The following EPAS1 variants were observed in gnomAD, a reference collection of about 807,000 sequenced individuals.
EPAS1 encodes endothelial PAS domain-containing protein 1.
Under a neutral mutation model 87.9 loss-of-function variants are expected in EPAS1, and 23 were observed. The observed-to-expected ratio is 0.26, with a 90% CI of 0.19 to 0.37. The LOEUF (loss-of-function observed/expected upper bound fraction) is 0.37, where lower values mean the gene tolerates loss of function less well. EPAS1 is among the 10% of genes least tolerant of loss of function. EPAS1 has a pLI of 1.00. For missense variants in EPAS1, 1,138 were observed against 1,120.7 expected (o/e 1.02, Z -0.22); for synonymous variants, 508 against 444.3 (o/e 1.14, Z -1.80).
chr2:46,373,579 C>T (rs1279881270), intron 7 of EPAS1, among the ~76,000 whole-genome samples: 4 of 152,068 alleles, frequency 2.6e-5, no homozygotes, highest in East Asian at 1.9e-4. Flanking sequence ...AAAGACAATT[C>T]GAATATATAG....
At chr2:46,355,971 C>G in intron 2 of EPAS1, 180 bp from the exon 3 acceptor site, 1 of 691,284 alleles carries the variant, frequency 1.4e-6, no homozygotes. Context: ...GTCAGGGTGT[C>G]CTCTGTGCAG....
Position 46,375,483 on chromosome 2 carries a change from CCT to C in EPAS1, c.887-204_887-203del, listed in dbSNP as rs1367446062. ...GGGCAAGTCATTTCACCTCTTCTCA[CCT>C]CTTTTTCCTATATTTAAAATGAAGA... On this transcript the variant is annotated intron_variant, in intron 7 of 15. Coordinates refer to ENST00000263734, the MANE Select transcript of EPAS1 (RefSeq NM_001430.5). This position sits in a 1 kb window ranked among gnomAD's most constrained non-coding sequence, Gnocchi z 4.1. 7.2e-5 allele frequency among the ~76,000 whole-genome samples: 11 copies of C among 152,130 alleles called. No individual in the cohort carries two copies. The highest frequency in any genetic ancestry group is 2.1e-4 in the South Asian group (1 of 4,826).
At chr2:46,328,619 G>T (rs1364091376) in intron 1 of EPAS1, among the ~76,000 whole-genome samples, 2 of 152,176 alleles carry the variant, frequency 1.3e-5, no homozygotes, top group Admixed American at 6.5e-5. Context: ...GAACCCAGAA[G>T]TCCTAGTTAT....
Position 46,297,794 on chromosome 2 carries a change from G to T in EPAS1, c.-118G>T. The T allele has an allele frequency of 7.2e-7, 1 of 1,394,506 alleles. No homozygotes were observed. Among genetic ancestry groups the T allele is most frequent in the Non-Finnish European group, 9.9e-7 (1 of 1,011,634 alleles). The allele number at this position is 1,394,506 out of a possible 1,614,324, so 86.4% of individuals were successfully genotyped here. Reference sequence around the variant, plus strand: ...TGCGCGGGGCGCTCGGGACCTGCGCGCACCTCGGACCTTCACCACCCGCCC... The same window carrying T: ...TGCGCGGGGCGCTCGGGACCTGCGCTCACCTCGGACCTTCACCACCCGCCC... On this transcript the variant is annotated 5_prime_UTR_variant, in exon 1 of 16. Transcript: ENST00000263734.
rs1190116659 is a variant in EPAS1 at position 46,375,721 on chromosome 2, G to C, written c.918G>C (p.Gln306His). Residue 306 changes from glutamine (Q) to histidine (H), a missense_variant, in exon 8 of 16, where the codon CAG becomes CAC. Transcript: ENST00000263734. The surrounding 1 kb of genome is among the most constrained non-coding windows in gnomAD (Gnocchi z 4.1). ...CCAAGGGTCAGGTAGTAAGTGGCCA[G>C]TACCGGATGCTCGCAAAGCATGGGG... ...LCTKGQVVSG[Q>H]YRMLAKHGGY... is the part of the protein sequence containing the mutation. 2 of 1,614,072 alleles carry C rather than the reference G, an allele frequency of 1.2e-6. No individual in the cohort carries two copies. Among genetic ancestry groups the C allele is most frequent in the African/African-American group, 1.3e-5 (1 of 74,928 alleles).
chr2:46,340,392 G>A (rs1241575610), intron 1 of EPAS1, among the ~76,000 whole-genome samples: 6 of 152,168 alleles, frequency 3.9e-5, no homozygotes, highest in African/African-American at 9.7e-5. Context: ...CAGCCCCAGC[G>A]GAGCGGAGGT....
chr2:46,360,619 C>T lies in EPAS1; in HGVS notation c.455-19C>T. 1 of 1,608,720 alleles carries T rather than the reference C, an allele frequency of 6.2e-7. No individual in the cohort carries two copies. Among genetic ancestry groups the T allele is most frequent in the South Asian group, 1.1e-5 (1 of 90,956 alleles). Reference sequence around the variant, plus strand: ...ATAAAACTGACTTCAGCTGGTTCTTCCCATCCTTCCACATCCAGGCTCTGG... The same window carrying T: ...ATAAAACTGACTTCAGCTGGTTCTTTCCATCCTTCCACATCCAGGCTCTGG... On this transcript the variant is annotated intron_variant, in intron 4 of 15. Coordinates refer to ENST00000263734, the MANE Select transcript of EPAS1 (RefSeq NM_001430.5). This position sits in a 1 kb window ranked among gnomAD's most constrained non-coding sequence, Gnocchi z 4.5.
chr2:46,298,893 TC>T (rs1338972140), intron 1 of EPAS1, among the ~76,000 whole-genome samples: 1 of 152,166 alleles, frequency 6.6e-6, no homozygotes, highest in African/African-American at 2.4e-5. Flanking sequence ...TCGCCGCCTG[TC>T]CCCTTTCTCC....
intron 1 of EPAS1, among the ~76,000 whole-genome samples, chr2:46,308,099 C>G (rs1683142817): frequency 6.6e-6 from 1 of 152,174 alleles, no homozygotes; most frequent in Non-Finnish European, 1.5e-5. Context: ...ACACAAGCCT[C>G]CTCCCACAGC....
chr2:46,304,648 T>C (rs1276878108), intron 1 of EPAS1, among the ~76,000 whole-genome samples: 1 of 152,166 alleles, frequency 6.6e-6, no homozygotes, highest in East Asian at 1.9e-4. Context: ...CAAGAGGTGG[T>C]TCTCTCCTGC....
rs2103682604 is a variant in EPAS1 at position 46,384,622 on chromosome 2, G to A, written c.2575G>A (p.Gly859Arg). ...GCTGGGAAGCTCCACGCTCCTGCAA[G>A]GAGGGGACCTCCTCAGAGCCCTGGA... ...PVLGSSTLLQ[G>R]GDLLRALDQA... The change falls in exon 16 of 16, where the codon GGA becomes AGA. Residue 859 changes from glycine to arginine, a missense_variant. Coordinates refer to ENST00000263734, the MANE Select transcript of EPAS1 (RefSeq NM_001430.5). 1 of 1,614,082 alleles carries A rather than the reference G, an allele frequency of 6.2e-7. No homozygotes were observed. Among genetic ancestry groups the A allele is most frequent in the Non-Finnish European group, 8.5e-7 (1 of 1,180,038 alleles).
chr2:46,368,479 C>G (rs1171889942), intron 6 of EPAS1, among the ~76,000 whole-genome samples: 1 of 152,106 alleles, frequency 6.6e-6, no homozygotes, highest in Non-Finnish European at 1.5e-5. Context: ...GCAGCATTTA[C>G]TGTTGGTGTG....
At position 46,357,682 on chromosome 2, in the gene EPAS1, C is replaced by T. The variant is rs1684297322; in HGVS notation, c.454+874C>T. Among the ~76,000 whole-genome samples, 3 of 152,296 alleles carry T rather than the reference C, an allele frequency of 2.0e-5. No individual in the cohort carries two copies. In the South Asian group the frequency reaches 6.2e-4, roughly 32 times the overall value. On this transcript the variant is annotated intron_variant, in intron 4 of 15. Coordinates refer to ENST00000263734, the MANE Select transcript of EPAS1 (RefSeq NM_001430.5). Reference sequence around the variant, plus strand: ...TGTTGGAGCTACTTTTGGAGAAGAGCTACCACAGGAAATGGTACCCTGATG... The same window carrying T: ...TGTTGGAGCTACTTTTGGAGAAGAGTTACCACAGGAAATGGTACCCTGATG...
Position 46,377,763 on chromosome 2 carries a change from T to C in EPAS1, c.1250-131T>C, listed in dbSNP as rs564457169. The C allele has an allele frequency of 2.6e-5, 39 of 1,473,892 alleles. 1 individual carries two copies. In the East Asian group the frequency reaches 3.5e-4, roughly 13 times the overall value. The allele number at this position is 1,473,892 out of a possible 1,614,324, so 91.3% of individuals were successfully genotyped here. ...TGTGTTCCAGCTGAGCCCCAGGGTG[T>C]TGGGGGGGCCTAGCCCCAGGCATGC... On this transcript the variant is annotated intron_variant, in intron 9 of 15. Coordinates refer to ENST00000263734, the MANE Select transcript of EPAS1 (RefSeq NM_001430.5).
chr2:46,349,321 C>A (rs949737318), intron 2 of EPAS1, among the ~76,000 whole-genome samples: 1 of 152,152 alleles, frequency 6.6e-6, no homozygotes, highest in Non-Finnish European at 1.5e-5. Flanking sequence ...AGGTTGGCCT[C>A]GAAAAGGCCA....
chr2:46,356,009 C>A, intron 2 of EPAS1, 142 bp from the exon 3 acceptor site: 2 of 872,950 alleles, frequency 2.3e-6, no homozygotes, highest in African/African-American at 1.6e-5. Context: ...CGGAGGCAGA[C>A]ATTCAGATGG....
chr2:46,314,879 G>A (rs555195441), intron 1 of EPAS1, among the ~76,000 whole-genome samples: 1 of 152,188 alleles, frequency 6.6e-6, no homozygotes, highest in Non-Finnish European at 1.5e-5. Context: ...AGGTGGGCTG[G>A]GGTACGAGAA....
At chr2:46,354,441 G>A (rs148850612) in intron 2 of EPAS1, among the ~76,000 whole-genome samples, 88 of 152,086 alleles carry the variant, frequency 5.8e-4, no homozygotes, top group African/African-American at 2.0e-3. Context: ...ACTAGGAGAA[G>A]AGGGCTGAAA....
intron 2 of EPAS1, among the ~76,000 whole-genome samples, chr2:46,352,728 C>A (rs1033488726): frequency 6.6e-6 from 1 of 152,194 alleles, no homozygotes; most frequent in Non-Finnish European, 1.5e-5. Flanking sequence ...AGGGAAGAGA[C>A]CCTGTCCCGG....
Sources: gnomAD v4.1 joint callset for allele counts (sites outside exome capture counted in the v4.1 genomes callset) on GRCh38, gnomAD v4.1.1 for gene constraint, Gnocchi (gnomAD v3.1) non-coding constraint, MANE v1.5 for transcripts, NCBI Gene and HGNC (gene_info 2026-07-23, HGNC 2026-07-21) for gene names.